Variants in PGBD2 observed in about 807,000 individuals in gnomAD.
The protein encoded by PGBD2 is piggyBac transposable element derived 2.
PGBD2 carries 6 observed loss-of-function variants against 8.1 expected under a neutral mutation model. The ratio of observed to expected loss-of-function variants is 0.74; its 90% confidence interval spans 0.40 to 1.46. The LOEUF (loss-of-function observed/expected upper bound fraction) is 1.46. PGBD2 is among the 40% of genes most tolerant of loss of function. The probability of loss-of-function intolerance (pLI) is 0.02; values close to 1 mark genes in which losing one functional copy is unlikely to be tolerated. For synonymous variants in PGBD2, 318 were observed against 272.2 expected (o/e 1.17, Z -1.66); for missense variants, 802 against 739.0 (o/e 1.09, Z -0.99).
At chr1:248,928,240 C>G in the PGBD2 span, among the ~76,000 whole-genome samples, 2 of 152,168 alleles carry the variant, frequency 1.3e-5, no homozygotes, top group Non-Finnish European at 2.9e-5. Flanking sequence ...GTGAGATGGA[C>G]AAAGGAGCCC....
chr1:248,921,664 C>G (rs1257540590), downstream of PGBD2, among the ~76,000 whole-genome samples: 1 of 152,116 alleles, frequency 6.6e-6, no homozygotes, highest in Non-Finnish European at 1.5e-5. Flanking sequence ...TTTTACAATT[C>G]TGTGAAGAAA....
chr1:248,884,580 G>C, the PGBD2 span, among the ~76,000 whole-genome samples: 1 of 152,048 alleles, frequency 6.6e-6, no homozygotes, highest in East Asian at 1.9e-4. Context: ...CTCCTGACCT[G>C]GTGATCCGCC....
In PGBD2 at chr1:248,906,284, G is replaced by C. The variant is rs908075288; in HGVS notation, c.-106G>C. On this transcript the variant is annotated 5_prime_UTR_variant, in exon 1 of 3. Coordinates refer to ENST00000329291, the MANE Select transcript of PGBD2 (RefSeq NM_170725.3). ...GACGCCAACGCAGGCGCAGCGCTCC[G>C]ATTCGGCGCGGCTCATGGTCCGGTT... 6.6e-6 allele frequency: 1 copy of C among 152,046 alleles called. No homozygotes were observed. Among genetic ancestry groups the C allele is most frequent in the South Asian group, 2.1e-4 (1 of 4,826 alleles). 9.4% of individuals were successfully genotyped at this position (152,046 alleles called of 1,614,324 possible).
the PGBD2 span, among the ~76,000 whole-genome samples, chr1:248,873,578 T>G: frequency 1.3e-5 from 2 of 152,228 alleles, no homozygotes; most frequent in South Asian, 4.1e-4. Flanking sequence ...AGCTTTGCCT[T>G]TCTCAGGCAT....
the PGBD2 span, among the ~76,000 whole-genome samples, chr1:248,885,906 T>C: frequency 6.6e-6 from 1 of 152,252 alleles, no homozygotes; most frequent in African/African-American, 2.4e-5. Flanking sequence ...GATGGAACTA[T>C]GTATCACATT....
rs1313773134 is a variant in PGBD2, at chr1:248,916,690, A to G, written c.106A>G (p.Asn36Asp). Residue 36 changes from asparagine to aspartate, a missense_variant, in exon 3 of 3, where the codon AAC (asparagine) becomes GAC (aspartate). By Grantham distance (23) the Asn-to-Asp change is conservative. Coordinates refer to ENST00000329291, the MANE Select transcript of PGBD2 (RefSeq NM_170725.3). ...VLNAMEEEES[N>D]NNREEIFIAP... ...GAATGCTATGGAGGAGGAAGAGTCC[A>G]ACAACAACAGGGAAGAGATTTTCAT... 6.2e-7 allele frequency: 1 copy of G among 1,614,052 alleles called. No homozygotes were observed. The highest frequency in any genetic ancestry group is 1.3e-5 in the African/African-American group (1 of 74,920).
At chr1:248,916,143 A>ACAG (rs1662088430) in intron 2 of PGBD2, among the ~76,000 whole-genome samples, 1 of 152,204 alleles carries the variant, frequency 6.6e-6, no homozygotes, top group Non-Finnish European at 1.5e-5. Context: ...GCCGGGTGCC[A>ACAG]TGGCTCACGC....
the PGBD2 span, among the ~76,000 whole-genome samples, chr1:248,889,585 C>A: frequency 6.6e-6 from 1 of 152,144 alleles, no homozygotes; most frequent in Non-Finnish European, 1.5e-5. Context: ...AATCACTTAT[C>A]TTCTAACTAC....
intron 1 of PGBD2, among the ~76,000 whole-genome samples, chr1:248,908,058 A>T (rs1661724147): frequency 6.6e-6 from 1 of 152,216 alleles, no homozygotes; most frequent in African/African-American, 2.4e-5. Flanking sequence ...AGGGGTTAAC[A>T]TCTTATTTTA....
At chr1:248,913,165 C>G (rs1661973450) in intron 1 of PGBD2, among the ~76,000 whole-genome samples, 1 of 152,086 alleles carries the variant, frequency 6.6e-6, no homozygotes, top group African/African-American at 2.4e-5. Flanking sequence ...CCCCCTCACC[C>G]CATCTCATCT....
the PGBD2 span, among the ~76,000 whole-genome samples, chr1:248,874,311 G>C: frequency 1.3e-5 from 2 of 152,160 alleles, no homozygotes; most frequent in African/African-American, 2.4e-5. Context: ...TCGATTCCCG[G>C]TCAGGAAAGT....
chr1:248,912,254 A>T (rs1553308222), intron 1 of PGBD2, among the ~76,000 whole-genome samples: 2 of 152,136 alleles, frequency 1.3e-5, no homozygotes, highest in Non-Finnish European at 2.9e-5. Context: ...CCCCAGTATT[A>T]CTGCATTTTA....
At chr1:248,903,921 AGGT>A (rs1301743032), upstream of PGBD2, among the ~76,000 whole-genome samples, 1 of 152,210 alleles carries the variant, frequency 6.6e-6, no homozygotes, top group Non-Finnish European at 1.5e-5. Flanking sequence ...ATCAACCATA[AGGT>A]GTTATTTAGT....
chr1:248,910,480 A>G (rs1402614072), intron 1 of PGBD2, among the ~76,000 whole-genome samples: 1 of 152,212 alleles, frequency 6.6e-6, no homozygotes, highest in Non-Finnish European at 1.5e-5. Context: ...TTTACAGGTG[A>G]AAGACAAGGG....
chr1:248,925,377 T>C, the PGBD2 span, among the ~76,000 whole-genome samples: 1,602 of 152,270 alleles, frequency 0.011, 38 homozygotes, highest in African/African-American at 0.037. Flanking sequence ...GCATCATCAT[T>C]CTAAAACCCA....
intron 1 of PGBD2, among the ~76,000 whole-genome samples, chr1:248,911,532 C>T (rs1402343367): frequency 2.1e-5 from 3 of 144,632 alleles, no homozygotes; most frequent in Non-Finnish European, 2.9e-5. Flanking sequence ...TACACAGACA[C>T]GGCAACCATC....
At chr1:248,882,195 C>T in the PGBD2 span, among the ~76,000 whole-genome samples, 1 of 152,002 alleles carries the variant, frequency 6.6e-6, no homozygotes, top group Middle Eastern at 3.2e-3. Flanking sequence ...TCCCACGGAG[C>T]CAAAAATGCA....
At chr1:248,906,957 C>T (rs1572269923) in intron 1 of PGBD2, among the ~76,000 whole-genome samples, 2 of 152,032 alleles carry the variant, frequency 1.3e-5, no homozygotes, top group Admixed American at 6.6e-5. Flanking sequence ...GATATCTTGT[C>T]AGGTGGGAGG....
the PGBD2 span, among the ~76,000 whole-genome samples, chr1:248,878,235 A>G: frequency 6.7e-6 from 1 of 150,132 alleles, no homozygotes; most frequent in Non-Finnish European, 1.5e-5. Flanking sequence ...GCTGGAGTGC[A>G]GGGGCGCAAT....
Sources: allele counts gnomAD v4.1 joint callset (sites outside exome capture counted in the v4.1 genomes callset), GRCh38; gene constraint gnomAD v4.1.1; transcripts MANE v1.5; gene names NCBI Gene and HGNC (gene_info 2026-07-23, HGNC 2026-07-21).